The following PCDH19 variants were observed in gnomAD, a reference collection of about 807,000 sequenced individuals.
The protein encoded by PCDH19 is protocadherin 19, also known as protocadherin-19.
In PCDH19, 6 loss-of-function variants were observed where a neutral mutation model predicts 46.2. That is an observed-to-expected ratio of 0.13 (90% confidence interval 0.07 to 0.26). The LOEUF is 0.26. PCDH19 is among the 10% of genes least tolerant of loss of function. The probability of loss-of-function intolerance (pLI) is 1.00; values close to 1 mark genes in which losing one functional copy is unlikely to be tolerated. For missense variants in PCDH19, 740 were observed against 972.3 expected (o/e 0.76, Z 3.18); for synonymous variants, 481 against 415.7 (o/e 1.16, Z -1.91).
chrX:100,374,518 A>G (rs1927315688), intron 3 of PCDH19, among the ~76,000 whole-genome samples: 1 of 111,961 alleles, frequency 8.9e-6, no homozygotes, highest in Non-Finnish European at 1.9e-5. Context: ...CAACAGGGGG[A>G]AAATGGAAAC....
chrX:100,333,161 G>GAGAGAGA (rs1569294605), intron 5 of PCDH19, among the ~76,000 whole-genome samples: 1 of 56,412 alleles, frequency 1.8e-5, no homozygotes, highest in East Asian at 5.6e-4. Context: ...AAGGAAGGAA[G>GAGAGAGA]GAAGGAAGGA....
intron 3 of PCDH19, among the ~76,000 whole-genome samples, chrX:100,373,832 C>A (rs1484581046): frequency 8.9e-6 from 1 of 112,856 alleles, no homozygotes; most frequent in Non-Finnish European, 1.9e-5. Context: ...CAGGGCTCTG[C>A]TAAAAGTAGA....
intron 3 of PCDH19, among the ~76,000 whole-genome samples, chrX:100,360,382 T>G: frequency 8.9e-6 from 1 of 112,354 alleles, no homozygotes. Context: ...AATATTGATG[T>G]TTTCTAATTA....
rs1310257567 is a variant in PCDH19, at chrX:100,404,705, T to C, written c.2148-1041A>G. 7.3e-5 allele frequency among the ~76,000 whole-genome samples: 8 copies of C among 109,842 alleles called. No homozygotes were observed. The Admixed American group carries it at 7.8e-4, about 11-fold the overall frequency. ...AAGGGCTCTCACTTCTAGTCATACA[T>C]CACCAAGAGGTGGCAAAGCCTTCAA... On this transcript the variant is annotated intron_variant, in intron 1 of 5. Transcript: ENST00000373034.
chrX:100,296,114 C>G lies in PCDH19; in HGVS notation c.*163G>C. On this transcript the variant is annotated 3_prime_UTR_variant, in exon 6 of 6. Coordinates refer to ENST00000373034, the MANE Select transcript of PCDH19 (RefSeq NM_001184880.2). ...TGAACACCCCTGCTGCCTGTTGAAA[C>G]AAGGGACTGTCACAGAATGATAATC... 1 of 496,732 alleles carries G rather than the reference C, an allele frequency of 2.0e-6. No homozygotes were observed. The highest frequency in any genetic ancestry group is 3.5e-5 in the East Asian group (1 of 28,485). 40.9% of individuals were successfully genotyped at this position (496,732 alleles called of 1,213,427 possible). A position where few individuals can be genotyped will look rare whatever the true frequency, so the allele number is the denominator to read the frequency against.
intron 3 of PCDH19, among the ~76,000 whole-genome samples, chrX:100,400,262 C>T (rs990842658): frequency 4.5e-5 from 5 of 112,035 alleles, no homozygotes; most frequent in African/African-American, 1.6e-4. Context: ...TTACAAGTGC[C>T]TAGGGAGACA....
intron 3 of PCDH19, among the ~76,000 whole-genome samples, chrX:100,360,075 GA>G (rs1569301559): frequency 8.9e-6 from 1 of 111,980 alleles, no homozygotes; most frequent in African/African-American, 3.2e-5. Context: ...TTTGTCAGCT[GA>G]AAAGACTTTC....
At chrX:100,346,453 G>A (rs796103200) in intron 4 of PCDH19, among the ~76,000 whole-genome samples, 1 of 111,843 alleles carries the variant, frequency 8.9e-6, no homozygotes, top group African/African-American at 3.2e-5. Context: ...TTGGGAACCT[G>A]TTACAACTGG....
intron 4 of PCDH19, among the ~76,000 whole-genome samples, chrX:100,349,790 T>A (rs1372807522): frequency 8.9e-6 from 1 of 112,602 alleles, no homozygotes; most frequent in African/African-American, 3.2e-5. Flanking sequence ...ATTTGAAAGG[T>A]TAGGACTGGT....
At chrX:100,327,853 T>C (rs1925744738) in intron 5 of PCDH19, among the ~76,000 whole-genome samples, 1 of 111,645 alleles carries the variant, frequency 9.0e-6, no homozygotes. Flanking sequence ...ATAAATGATA[T>C]ATTATAACAT....
At position 100,406,610 on chromosome X, in the gene PCDH19, G is replaced by A. The variant is rs2147537323; in HGVS notation, c.1988C>T (p.Ser663Phe). Residue 663 changes from serine (S) to phenylalanine (F), a missense_variant, in exon 1 of 6, where the codon TCC (serine) becomes TTC (phenylalanine). Physicochemically the swap from Ser to Phe is radical, Grantham distance 155. Coordinates refer to ENST00000373034, the MANE Select transcript of PCDH19 (RefSeq NM_001184880.2). ...TGACTCTTGGGCATCGAGAGCAGGG[G>A]ACAAGTAGATTAGGACGAGAGCAGA... is the stretch of plus-strand genomic sequence containing the variant. ...SASALVLIYLSPALDAQESMG... is the reference protein window; with the variant it reads ...SASALVLIYLFPALDAQESMG... The A allele has an allele frequency of 1.7e-6, 2 of 1,211,512 alleles. No homozygotes were observed. The highest frequency in any genetic ancestry group is 2.2e-6 in the Non-Finnish European group (2 of 895,359).
intron 5 of PCDH19, among the ~76,000 whole-genome samples, chrX:100,316,774 T>C (rs1197229599): frequency 8.9e-6 from 1 of 111,815 alleles, no homozygotes; most frequent in African/African-American, 3.3e-5. Context: ...TTTAAACAAA[T>C]CTCAAGAAAA....
chrX:100,309,814 T>C (rs1363547037), intron 5 of PCDH19, among the ~76,000 whole-genome samples: 1 of 112,353 alleles, frequency 8.9e-6, no homozygotes, highest in Non-Finnish European at 1.9e-5. Flanking sequence ...TAACTTGGCA[T>C]TTTCAGTATG....
intron 3 of PCDH19, among the ~76,000 whole-genome samples, chrX:100,361,856 A>G (rs1187968307): frequency 2.7e-5 from 3 of 110,673 alleles, no homozygotes; most frequent in Admixed American, 1.9e-4. Flanking sequence ...CTGGCTGACG[A>G]GGTATACTAT....
chrX:100,363,500 G>C (rs1334151440), intron 3 of PCDH19, among the ~76,000 whole-genome samples: 1 of 106,270 alleles, frequency 9.4e-6, no homozygotes, highest in Non-Finnish European at 1.9e-5. Flanking sequence ...TGAATATTGT[G>C]AATAGTTTTC....
At chrX:100,356,785 A>C (rs1926731780) in intron 3 of PCDH19, among the ~76,000 whole-genome samples, 1 of 109,711 alleles carries the variant, frequency 9.1e-6, no homozygotes, top group African/African-American at 3.3e-5. Context: ...ACACACACAC[A>C]CTCACACGCA....
intron 3 of PCDH19, among the ~76,000 whole-genome samples, chrX:100,390,290 A>C (rs192384245): frequency 1.8e-5 from 2 of 112,118 alleles, no homozygotes; most frequent in Non-Finnish European, 3.8e-5. Context: ...ACTAAACAGT[A>C]AGTCCATTCA....
intron 5 of PCDH19, among the ~76,000 whole-genome samples, chrX:100,305,479 A>T (rs749558145): frequency 8.9e-6 from 1 of 112,056 alleles, no homozygotes; most frequent in Non-Finnish European, 1.9e-5. Context: ...TTAAAGCATA[A>T]ATCTCACAGG....
chrX:100,407,086 G>C lies in PCDH19; in HGVS notation c.1512C>G (p.Thr504=), dbSNP rs1354945843. 1 of 1,211,944 alleles carries C rather than the reference G, an allele frequency of 8.3e-7. No homozygotes were observed. Among genetic ancestry groups the C allele is most frequent in the East Asian group, 3.0e-5 (1 of 33,829 alleles). Residue 504 remains threonine (T), a synonymous_variant, in exon 1 of 6, where the codon ACC becomes ACG. Transcript: ENST00000373034. ...PSQVRDMPVF[T]YVSINPNSGD... is the part of the protein sequence containing the mutation. ...CTGAGTTGGGATTGATGGAGACATAGGTGAAGACAGGCATGTCCCGCACCT... is the reference window on the plus strand; with the variant it reads ...CTGAGTTGGGATTGATGGAGACATACGTGAAGACAGGCATGTCCCGCACCT...
Sources: gnomAD v4.1 joint callset for allele counts (sites outside exome capture counted in the v4.1 genomes callset) on GRCh38, gnomAD v4.1.1 for gene constraint, MANE v1.5 for transcripts, NCBI Gene and HGNC (gene_info 2026-07-23, HGNC 2026-07-21) for gene names.